Variants in COL28A1 observed in about 807,000 individuals in gnomAD.
COL28A1 encodes the protein collagen alpha-1(XXVIII) chain.
Under a neutral mutation model 150.2 loss-of-function variants are expected in COL28A1, and 161 were observed. The observed-to-expected ratio is 1.07, with a 90% CI of 0.94 to 1.22. The LOEUF (loss-of-function observed/expected upper bound fraction) is 1.22, where lower values mean the gene tolerates loss of function less well. Among genes scored for constraint, COL28A1 ranks in the 50% most tolerant of loss-of-function variants. The pLI, the probability that COL28A1 is intolerant of heterozygous loss-of-function variation, is 0.00. For missense variants in COL28A1, 1,617 were observed against 1,388.3 expected, an observed-to-expected ratio of 1.16 and a Z score of -2.62; for synonymous variants, 552 against 469.7, an observed-to-expected ratio of 1.18 and a Z score of -2.26.
In COL28A1 at chr7:7,404,783, C is replaced by T. The variant is rs149259756; in HGVS notation, c.2136+13076G>A. ...TATTTATTGCTAATAGAAGCAATAT[C>T]CACAAAGTCTCATTTTTGTCTCTTT... On this transcript the variant is annotated intron_variant, in intron 27 of 34. Transcript: ENST00000399429. Among the ~76,000 whole-genome samples, 260 of 152,256 alleles carry T rather than the reference C, an allele frequency of 1.7e-3. 10 individuals are homozygous for T. The East Asian group carries it at 0.036, about 21-fold the overall frequency.
chr7:7,510,256 A>T (rs181666758), intron 9 of COL28A1, among the ~76,000 whole-genome samples: 2 of 152,160 alleles, frequency 1.3e-5, no homozygotes, highest in East Asian at 3.9e-4. Flanking sequence ...TATTATTTCC[A>T]AATTTAAGTG....
the COL28A1 span, among the ~76,000 whole-genome samples, chr7:7,346,906 CT>C: frequency 1.3e-5 from 2 of 151,970 alleles, no homozygotes; most frequent in African/African-American, 4.8e-5. Context: ...TTGCCAGAGC[CT>C]TTTGATACTG....
chr7:7,460,272 T>C (rs1292890979), intron 15 of COL28A1, among the ~76,000 whole-genome samples: 1 of 152,236 alleles, frequency 6.6e-6, no homozygotes, highest in Non-Finnish European at 1.5e-5. Flanking sequence ...GCATCAACAC[T>C]AGTTTTCTTA....
At chr7:7,527,906 CA>C (rs1782119509) in intron 3 of COL28A1, among the ~76,000 whole-genome samples, 1 of 152,032 alleles carries the variant, frequency 6.6e-6, no homozygotes, top group Non-Finnish European at 1.5e-5. Flanking sequence ...GCAAGGGGAA[CA>C]AACCCTGTGA....
chr7:7,481,958 T>C (rs141010443), intron 13 of COL28A1, among the ~76,000 whole-genome samples: 424 of 152,302 alleles, frequency 2.8e-3, no homozygotes, highest in African/African-American at 8.5e-3. Context: ...TTAACCAATT[T>C]AATTTTTATG....
At chr7:7,361,365 G>A (rs1395831075) in intron 33 of COL28A1, among the ~76,000 whole-genome samples, 1 of 152,164 alleles carries the variant, frequency 6.6e-6, no homozygotes, top group Non-Finnish European at 1.5e-5. Context: ...CCAGTAATGG[G>A]ACTGCTGGGT....
upstream of COL28A1, among the ~76,000 whole-genome samples, chr7:7,540,140 A>C (rs1172759682): frequency 2.0e-5 from 3 of 152,214 alleles, no homozygotes; most frequent in Non-Finnish European, 4.4e-5. Context: ...AGATTGATCT[A>C]GTCCTATCAT....
chr7:7,513,352 C>G (rs1781251009), intron 8 of COL28A1, among the ~76,000 whole-genome samples: 1 of 152,206 alleles, frequency 6.6e-6, no homozygotes, highest in Non-Finnish European at 1.5e-5. Context: ...TCACCTGTAG[C>G]TGAACAAGGC....
intron 33 of COL28A1, 96 bp from the exon 34 acceptor site, chr7:7,360,624 G>T: frequency 9.2e-7 from 1 of 1,084,498 alleles, no homozygotes; most frequent in Non-Finnish European, 1.3e-6. Flanking sequence ...GTTCAGCCAT[G>T]CTGTGTTTCC....
chr7:7,348,332 G>C, the COL28A1 span, among the ~76,000 whole-genome samples: 6 of 152,018 alleles, frequency 3.9e-5, no homozygotes, highest in Admixed American at 3.9e-4. Context: ...CTCCCCTTAA[G>C]ATTAGGAGAT....
At chr7:7,347,987 T>C in the COL28A1 span, among the ~76,000 whole-genome samples, 1 of 152,070 alleles carries the variant, frequency 6.6e-6, no homozygotes, top group Non-Finnish European at 1.5e-5. Flanking sequence ...AATGATTCTA[T>C]GAGGCATTAA....
At chr7:7,400,975 G>GGGGTGTGT (rs1160269291) in intron 27 of COL28A1, among the ~76,000 whole-genome samples, 2,117 of 119,120 alleles carry the variant, frequency 0.018, 44 homozygotes, top group Non-Finnish European at 0.025. Flanking sequence ...TGGGTATTTG[G>GGGGTGTGT]GTGTGTGTGT....
At chr7:7,348,423 G>A in the COL28A1 span, among the ~76,000 whole-genome samples, 92,976 of 151,774 alleles carry the variant, frequency 0.61, 32,486 homozygotes, top group East Asian at 0.87. Flanking sequence ...AAAATGCCAA[G>A]CTCATAAGAG....
At chr7:7,379,482 C>G (rs1294725550) in intron 30 of COL28A1, among the ~76,000 whole-genome samples, 1 of 152,146 alleles carries the variant, frequency 6.6e-6, no homozygotes, top group African/African-American at 2.4e-5. Context: ...ACCACATCTT[C>G]TATCATAGCA....
At chr7:7,354,195 T>G (rs1780297007), downstream of COL28A1, among the ~76,000 whole-genome samples, 2 of 152,056 alleles carry the variant, frequency 1.3e-5, no homozygotes, top group South Asian at 4.1e-4. Flanking sequence ...AGTTTTCCCA[T>G]GTTGCCCAGG....
intron 1 of COL28A1, among the ~76,000 whole-genome samples, chr7:7,533,802 A>T (rs921052867): frequency 6.6e-6 from 1 of 152,180 alleles, no homozygotes; most frequent in Non-Finnish European, 1.5e-5. Flanking sequence ...GAGAAGACTC[A>T]TGTGTTGCTG....
intron 30 of COL28A1, among the ~76,000 whole-genome samples, chr7:7,376,004 T>C (rs1005390172): frequency 5.9e-5 from 9 of 152,184 alleles, no homozygotes; most frequent in African/African-American, 2.2e-4. Context: ...ATTTTTCAAG[T>C]CCTCTCTTCA....
chr7:7,455,523 T>C (rs181776059), intron 16 of COL28A1, among the ~76,000 whole-genome samples: 1 of 152,218 alleles, frequency 6.6e-6, no homozygotes, highest in Admixed American at 6.5e-5. Context: ...ATTATATCTG[T>C]GTTTTGCTTC....
chr7:7,435,612 T>C (rs1197903724), intron 23 of COL28A1, among the ~76,000 whole-genome samples: 1 of 152,236 alleles, frequency 6.6e-6, no homozygotes, highest in Non-Finnish European at 1.5e-5. Context: ...CTCCAATTTA[T>C]GTCAGTTTTT....
Sources: gnomAD v4.1 joint callset for allele counts (sites outside exome capture counted in the v4.1 genomes callset) on GRCh38, gnomAD v4.1.1 for gene constraint, MANE v1.5 for transcripts, NCBI Gene and HGNC (gene_info 2026-07-23, HGNC 2026-07-21) for gene names.